MAP3K1: variants seen among roughly 807,000 people sequenced by gnomAD.
MAP3K1 encodes the protein mitogen-activated protein kinase kinase kinase 1.
A neutral mutation model predicts 144.2 loss-of-function variants in MAP3K1; 36 were observed. The ratio of observed to expected loss-of-function variants is 0.25; its 90% CI spans 0.19 to 0.33. MAP3K1 has a LOEUF of 0.33. Ranked by LOEUF, MAP3K1 falls within the 10% of genes least tolerant of loss-of-function variation. The probability of loss-of-function intolerance (pLI) is 1.00; values close to 1 mark genes in which losing one functional copy is unlikely to be tolerated. For synonymous variants in MAP3K1, 718 were observed against 688.7 expected (o/e 1.04, Z -0.67); for missense variants, 1,650 against 1,881.9 (o/e 0.88, Z 2.28).
intron 1 of MAP3K1, among the ~76,000 whole-genome samples, chr5:56,841,521 C>G (rs80019406): frequency 6.6e-6 from 1 of 152,072 alleles, no homozygotes; most frequent in Non-Finnish European, 1.5e-5. Flanking sequence ...TTTTCACATT[C>G]AAAAACATGG....
chr5:56,881,355 TGAAA>T (rs1748200891), intron 13 of MAP3K1, 83 bp downstream of exon 13: 1 of 1,271,092 alleles, frequency 7.9e-7, no homozygotes. Context: ...TTTAGATTTT[TGAAA>T]GACTCAGAGC....
At chr5:56,887,321 T>C in intron 17 of MAP3K1, 57 bp from the exon 18 acceptor site, 1 of 1,578,140 alleles carries the variant, frequency 6.3e-7, no homozygotes, top group Non-Finnish European at 8.7e-7. Context: ...ACTGGGCTTT[T>C]ATCTGTCCTT....
At chr5:56,852,002 G>C (rs1284418082) in intron 1 of MAP3K1, 2 of 151,850 alleles carry the variant, frequency 1.3e-5, no homozygotes, top group African/African-American at 4.8e-5. Flanking sequence ...TGCAGCGGGA[G>C]AGCAGCTAAC....
chr5:56,851,327 G>C (rs1445805930), intron 1 of MAP3K1, among the ~76,000 whole-genome samples: 1 of 152,168 alleles, frequency 6.6e-6, no homozygotes, highest in Non-Finnish European at 1.5e-5. Context: ...CAGACTATTT[G>C]AGGTTGCAGG....
In MAP3K1 at chr5:56,880,815, C is replaced by A; in HGVS notation, c.2179+13C>A. On this transcript the variant is annotated intron_variant, in intron 12 of 19. Coordinates refer to ENST00000399503, the MANE Select transcript of MAP3K1 (RefSeq NM_005921.2). ...ATACTAAAAGCTGGTAATAACTTTT[C>A]ACTTAAAAGGAATATAGCATATTTT... is the stretch of plus-strand genomic sequence containing the variant. 6.3e-7 allele frequency: 1 copy of A among 1,595,872 alleles called. No homozygotes were observed. Among genetic ancestry groups the A allele is most frequent in the Non-Finnish European group, 8.6e-7 (1 of 1,163,758 alleles).
chr5:56,848,984 TG>T (rs1166619768), intron 1 of MAP3K1, among the ~76,000 whole-genome samples: 1 of 152,248 alleles, frequency 6.6e-6, no homozygotes, highest in African/African-American at 2.4e-5. Context: ...TAAATAGGAA[TG>T]TTTGCACACA....
intron 1 of MAP3K1, among the ~76,000 whole-genome samples, chr5:56,852,705 G>T (rs1747212147): frequency 6.6e-6 from 1 of 151,988 alleles, no homozygotes; most frequent in South Asian, 2.1e-4. Flanking sequence ...ATTTAAAATA[G>T]GTATGTTTCT....
At position 56,881,188 on chromosome 5, in the gene MAP3K1, A is replaced by G; in HGVS notation, c.2285A>G (p.Asp762Gly). 1 of 1,613,782 alleles carries G rather than the reference A, an allele frequency of 6.2e-7. No homozygotes were observed. The highest frequency in any genetic ancestry group is 8.5e-7 in the Non-Finnish European group (1 of 1,179,824). Residue 762 changes from aspartate to glycine, a missense_variant, in exon 13 of 20, where the codon GAT becomes GGT. Physicochemically the swap from Asp to Gly is moderately conservative, Grantham distance 94. This residue lies in a region of MAP3K1 where 841 missense variants were observed against 886.5 expected (regional missense o/e 0.95). Transcript: ENST00000399503. ...CTTCTTGGCCGCCTTTGTCTTATAG[A>G]TAGACTGTTGTTGGAATTTCCTGCT... ...QELLGRLCLI[D>G]RLLLEFPAEF... is the part of the protein sequence containing the mutation.
intron 16 of MAP3K1, among the ~76,000 whole-genome samples, chr5:56,885,601 C>T (rs1187298103): frequency 6.6e-6 from 1 of 152,140 alleles, no homozygotes; most frequent in Non-Finnish European, 1.5e-5. Context: ...ACATTGTTTA[C>T]TTTAGTCATT....
In MAP3K1 at chr5:56,859,752, A is replaced by G. The variant is rs746961105; in HGVS notation, c.671A>G (p.Glu224Gly). 1 of 1,614,096 alleles carries G rather than the reference A, an allele frequency of 6.2e-7. No homozygotes were observed. Residue 224 changes from glutamate to glycine, a missense_variant, in exon 3 of 20, where the codon GAA (glutamate) becomes GGA (glycine). By Grantham distance (98) the Glu-to-Gly change is moderately conservative (BLOSUM62 -2). Around this residue, in one of 6 missense-constraint regions of MAP3K1, gnomAD observed 148 missense variants for 177.2 expected, o/e 0.84. Transcript: ENST00000399503. Reference protein sequence around the residue: ...KPIPVKGDGSEMNHLAAESPG... With the variant: ...KPIPVKGDGSGMNHLAAESPG... ...ATCCCAGTTAAAGGAGATGGATCTG[A>G]AATGAATCACTTAGCAGCTGAGTCT...
chr5:56,825,089 C>T (rs553206126), intron 1 of MAP3K1, among the ~76,000 whole-genome samples: 22 of 152,242 alleles, frequency 1.4e-4, no homozygotes, highest in African/African-American at 5.1e-4. Context: ...TTCACCACAA[C>T]CTCCGCCTCC....
At position 56,883,514 on chromosome 5, in the gene MAP3K1, G is replaced by A. The variant is rs16886463; in HGVS notation, c.3667-13G>A. ...CTTTAACAGTAAAAAGATTGCTTTC[G>A]TTTAATATGTAGACACCAGAGACTC... is the stretch of plus-strand genomic sequence containing the variant. On this transcript the variant is annotated splice_polypyrimidine_tract_variant and intron_variant, in intron 14 of 19. Coordinates refer to ENST00000399503, the MANE Select transcript of MAP3K1 (RefSeq NM_005921.2). 0.12 allele frequency: 187,373 copies of A among 1,611,742 alleles called. 14,089 individuals are homozygous for A. Among genetic ancestry groups the A allele is most frequent in the East Asian group, 0.33 (14,942 of 44,796 alleles).
rs1371270309 is a variant in MAP3K1, at chr5:56,872,623, GT to G, written c.1424-15del. 2.1e-6 allele frequency: 3 copies of G among 1,420,998 alleles called. No individual in the cohort carries two copies. The highest frequency in any genetic ancestry group is 3.0e-6 in the Non-Finnish European group (3 of 1,007,162). 88.0% of individuals were successfully genotyped at this position (1,420,998 alleles called of 1,614,324 possible). ...AACATTTACATTTTTGTAAGATTTT[GT>G]TTCTGTAATTTTTCAGGGGCAGAAG... On this transcript the variant is annotated splice_polypyrimidine_tract_variant and intron_variant, in intron 7 of 19. Transcript: ENST00000399503.
At chr5:56,832,497 G>A (rs1746523237) in intron 1 of MAP3K1, among the ~76,000 whole-genome samples, 1 of 152,202 alleles carries the variant, frequency 6.6e-6, no homozygotes, top group African/African-American at 2.4e-5. Context: ...TCATCCTTGT[G>A]AATTTTGATT....
chr5:56,883,603 A>G lies in MAP3K1; in HGVS notation c.3743A>G (p.Gln1248Arg). ...REDTEWLKGQ[Q>R]IGLGAFSSCY... ...GACACTGAATGGCTGAAAGGTCAAC[A>G]GATAGGCCTTGGAGCATTTTCTTCT... is the stretch of plus-strand genomic sequence containing the variant. The change falls in exon 15 of 20, where the codon CAG (glutamine) becomes CGG (arginine). Residue 1248 changes from glutamine (Q) to arginine (R), a missense_variant. Transcript: ENST00000399503. 6.2e-7 allele frequency: 1 copy of G among 1,614,152 alleles called. No homozygotes were observed. Among genetic ancestry groups the G allele is most frequent in the South Asian group, 1.1e-5 (1 of 91,084 alleles).
chr5:56,874,448 AGTT>A (rs1403479142), intron 9 of MAP3K1, among the ~76,000 whole-genome samples: 4 of 152,018 alleles, frequency 2.6e-5, no homozygotes, highest in African/African-American at 9.7e-5. Flanking sequence ...TTTTTTCTTC[AGTT>A]GTTTGATTTG....
chr5:56,882,261 A>G lies in MAP3K1; in HGVS notation c.3061A>G (p.Thr1021Ala). ...PCRIPSASPQTQRKFSLQFHR... is the reference protein window; with the variant it reads ...PCRIPSASPQAQRKFSLQFHR... ...CAGAATACCTTCTGCATCTCCTCAAACACAGCGCAAGTTTTCTCTACAATT... is the reference window on the plus strand; with the variant it reads ...CAGAATACCTTCTGCATCTCCTCAAGCACAGCGCAAGTTTTCTCTACAATT... The change falls in exon 14 of 20, where the codon ACA (threonine) becomes GCA (alanine). Residue 1021 changes from threonine to alanine, a missense_variant. Coordinates refer to ENST00000399503, the MANE Select transcript of MAP3K1 (RefSeq NM_005921.2). 6.2e-7 allele frequency: 1 copy of G among 1,614,030 alleles called. No individual in the cohort carries two copies. Among genetic ancestry groups the G allele is most frequent in the Middle Eastern group, 1.6e-4 (1 of 6,062 alleles).
At chr5:56,875,001 A>G in intron 9 of MAP3K1, 31 bp from the exon 10 acceptor site, 1 of 1,612,516 alleles carries the variant, frequency 6.2e-7, no homozygotes, top group Non-Finnish European at 8.5e-7. Flanking sequence ...GCTTTTCTTT[A>G]CATTGAATTC....
At chr5:56,884,601 C>T (rs1039018576) in intron 15 of MAP3K1, 63 bp from the exon 16 acceptor site, 9 of 1,514,460 alleles carry the variant, frequency 5.9e-6, no homozygotes, top group Non-Finnish European at 8.2e-6. Flanking sequence ...TGCATTTGTT[C>T]ATTTTAGATC....
Sources: allele counts gnomAD v4.1 joint callset (sites outside exome capture counted in the v4.1 genomes callset), GRCh38; gene constraint gnomAD v4.1.1; regional missense constraint gnomAD v4.1.1; transcripts MANE v1.5; gene names NCBI Gene and HGNC (gene_info 2026-07-23, HGNC 2026-07-21).